The following WDR70 variants were observed in gnomAD, a reference collection of about 807,000 sequenced individuals.
WDR70 encodes WD repeat domain 70.
Under a neutral mutation model 88.6 loss-of-function variants are expected in WDR70, and 53 were observed. The ratio of observed to expected loss-of-function variants is 0.60; its 90% CI spans 0.48 to 0.75. WDR70 has a LOEUF of 0.75. WDR70 is among the 30% of genes least tolerant of loss of function. The probability of loss-of-function intolerance (pLI) is 0.00; values close to 1 mark genes in which losing one functional copy is unlikely to be tolerated. For missense variants in WDR70, 610 were observed against 823.2 expected, an observed-to-expected ratio of 0.74 and a Z score of 3.17; for synonymous variants, 280 against 270.0, an observed-to-expected ratio of 1.04 and a Z score of -0.36.
intron 9 of WDR70, among the ~76,000 whole-genome samples, chr5:37,535,299 CTATTATATTT>C (rs1029971792): frequency 7.3e-5 from 11 of 151,398 alleles, no homozygotes; most frequent in African/African-American, 2.7e-4. Flanking sequence ...GGACAAAATC[CTATTATATTT>C]AATGGCCTTG....
At chr5:37,712,782 A>G (rs1292495803) in intron 13 of WDR70, among the ~76,000 whole-genome samples, 1 of 151,916 alleles carries the variant, frequency 6.6e-6, no homozygotes, top group Non-Finnish European at 1.5e-5. Context: ...GCTCACTGCA[A>G]CCTCCACCTC....
intron 7 of WDR70, among the ~76,000 whole-genome samples, chr5:37,450,576 A>G (rs1738645112): frequency 6.6e-6 from 1 of 152,072 alleles, no homozygotes; most frequent in South Asian, 2.1e-4. Context: ...TCCACTATCC[A>G]TTTACTTATT....
chr5:37,520,672 G>C (rs1741057539), intron 9 of WDR70, among the ~76,000 whole-genome samples: 1 of 152,036 alleles, frequency 6.6e-6, no homozygotes, highest in Non-Finnish European at 1.5e-5. Context: ...ATGAATGAAA[G>C]GTTAAAATCA....
intron 9 of WDR70, among the ~76,000 whole-genome samples, chr5:37,548,415 C>G (rs997244753): frequency 2.6e-5 from 4 of 152,106 alleles, no homozygotes; most frequent in Non-Finnish European, 5.9e-5. Flanking sequence ...TTTCATATGT[C>G]TGTTTGCAAT....
At chr5:37,483,393 A>G (rs1217404048) in intron 8 of WDR70, among the ~76,000 whole-genome samples, 1 of 152,018 alleles carries the variant, frequency 6.6e-6, no homozygotes, top group East Asian at 1.9e-4. Context: ...GACACAGCAC[A>G]TGTTTCAGAG....
At chr5:37,621,964 AG>A (rs1287953925) in intron 10 of WDR70, among the ~76,000 whole-genome samples, 1 of 152,154 alleles carries the variant, frequency 6.6e-6, no homozygotes, top group Non-Finnish European at 1.5e-5. Context: ...CAGTTTTCCC[AG>A]CACCATTTAT....
intron 13 of WDR70, among the ~76,000 whole-genome samples, chr5:37,712,947 C>A (rs1381748870): frequency 1.3e-5 from 2 of 152,118 alleles, no homozygotes; most frequent in African/African-American, 4.8e-5. Context: ...GGTGATCTAC[C>A]CAGCTCAGTC....
intron 17 of WDR70, among the ~76,000 whole-genome samples, chr5:37,740,840 C>T (rs1748451706): frequency 2.0e-5 from 3 of 152,160 alleles, no homozygotes; most frequent in Non-Finnish European, 4.4e-5. Context: ...TGTTTCAAAG[C>T]CCTGTTTTTC....
At chr5:37,677,055 A>G (rs201473902) in intron 10 of WDR70, among the ~76,000 whole-genome samples, 2 of 151,986 alleles carry the variant, frequency 1.3e-5, no homozygotes, top group Non-Finnish European at 2.9e-5. Context: ...ATGGTAGTTC[A>G]TATTTCTGTG....
At chr5:37,462,910 A>C (rs1425266433) in intron 7 of WDR70, among the ~76,000 whole-genome samples, 1 of 152,140 alleles carries the variant, frequency 6.6e-6, no homozygotes, top group Non-Finnish European at 1.5e-5. Context: ...CTAGTACGTC[A>C]ACTCTGTGGG....
intron 17 of WDR70, among the ~76,000 whole-genome samples, chr5:37,745,351 C>T (rs189650199): frequency 3.8e-4 from 58 of 150,664 alleles, no homozygotes; most frequent in African/African-American, 1.0e-3. Context: ...ACTGACACTA[C>T]GAAGAAACTG....
chr5:37,564,160 G>A (rs1199409410), intron 9 of WDR70, among the ~76,000 whole-genome samples: 3 of 147,436 alleles, frequency 2.0e-5, no homozygotes, highest in Admixed American at 6.8e-5. Context: ...GGCACTTTGC[G>A]GGGCCAAGGC....
Position 37,379,504 on chromosome 5 carries a change from C to T in WDR70, c.41C>T (p.Ala14Val). The change falls in exon 2 of 18, where the codon GCG becomes GTG. Residue 14 changes from alanine to valine, a missense_variant. Physicochemically the swap from Ala to Val is moderately conservative, Grantham distance 64. Coordinates refer to ENST00000265107, the MANE Select transcript of WDR70 (RefSeq NM_018034.4). ...CTTGCTCCAGTGACAGGCTCAGACGCGTCGGGACCGGACCCGCAGCTTGCG... is the reference window on the plus strand; with the variant it reads ...CTTGCTCCAGTGACAGGCTCAGACGTGTCGGGACCGGACCCGCAGCTTGCG... ...SGPSEVTGSDASGPDPQLAVT... is the reference protein window; with the variant it reads ...SGPSEVTGSDVSGPDPQLAVT... 6.2e-7 allele frequency: 1 copy of T among 1,613,974 alleles called. No homozygotes were observed. The highest frequency in any genetic ancestry group is 8.5e-7 in the Non-Finnish European group (1 of 1,179,876).
At chr5:37,608,038 CTT>C (rs11295618) in intron 10 of WDR70, among the ~76,000 whole-genome samples, 3,717 of 100,604 alleles carry the variant, frequency 0.037, 58 homozygotes, top group Middle Eastern at 0.12. Context: ...CTGCAACACT[CTT>C]TTTTTTTTTT....
At chr5:37,679,455 A>G (rs913486016) in intron 10 of WDR70, among the ~76,000 whole-genome samples, 6 of 152,078 alleles carry the variant, frequency 3.9e-5, no homozygotes, top group Non-Finnish European at 5.9e-5. Context: ...TAACAGACAG[A>G]ACCCTCAGCT....
At chr5:37,424,764 A>G (rs1317228442) in intron 5 of WDR70, among the ~76,000 whole-genome samples, 1 of 152,194 alleles carries the variant, frequency 6.6e-6, no homozygotes, top group Non-Finnish European at 1.5e-5. Flanking sequence ...GTTGATGTGA[A>G]TTAACATTTT....
intron 4 of WDR70, among the ~76,000 whole-genome samples, chr5:37,395,213 A>G (rs778570048): frequency 3.9e-5 from 6 of 152,166 alleles, no homozygotes; most frequent in African/African-American, 9.7e-5. Context: ...GGTGAGGGCT[A>G]TGCTTACAGG....
intron 9 of WDR70, among the ~76,000 whole-genome samples, chr5:37,524,653 G>A (rs1232164128): frequency 6.6e-6 from 1 of 152,100 alleles, no homozygotes; most frequent in Non-Finnish European, 1.5e-5. Context: ...AATGTAAATG[G>A]GCTAAATGCT....
chr5:37,678,736 T>C lies in WDR70; in HGVS notation c.1093-18919T>C, dbSNP rs199688315. 4.3e-4 allele frequency among the ~76,000 whole-genome samples: 65 copies of C among 152,112 alleles called. 1 individual carries two copies. The highest frequency in any genetic ancestry group is 4.0e-3 in the Admixed American group (61 of 15,266). ...TGGAGTTGCTCTTCTCGAGGAGTAT[T>C]TTTGTGGCATTCTCTGTATTTCCTG... On this transcript the variant is annotated intron_variant, in intron 10 of 17. Coordinates refer to ENST00000265107, the MANE Select transcript of WDR70 (RefSeq NM_018034.4).
Sources: gnomAD v4.1 joint callset for allele counts (sites outside exome capture counted in the v4.1 genomes callset) on GRCh38, gnomAD v4.1.1 for gene constraint, MANE v1.5 for transcripts, NCBI Gene and HGNC (gene_info 2026-07-23, HGNC 2026-07-21) for gene names.